GNA14: variants seen among roughly 807,000 people sequenced by gnomAD.
GNA14 encodes G protein subunit alpha 14.
GNA14 carries 50 observed loss-of-function variants against 42.0 expected under a neutral mutation model. The ratio of observed to expected loss-of-function variants is 1.19; its 90% CI spans 0.95 to 1.51. The LOEUF is 1.51. GNA14 is among the 40% of genes most tolerant of loss of function. The pLI is 0.00. For synonymous variants in GNA14, 173 were observed against 163.1 expected, an observed-to-expected ratio of 1.06 and a Z score of -0.46; for missense variants, 473 against 446.2, an observed-to-expected ratio of 1.06 and a Z score of -0.54.
chr9:77,432,059 T>G (rs1367837625), intron 3 of GNA14, among the ~76,000 whole-genome samples: 1 of 149,544 alleles, frequency 6.7e-6, no homozygotes, highest in African/African-American at 2.5e-5. Flanking sequence ...ATTGAAGCCC[T>G]GAGCTTAAAA....
At chr9:77,531,871 G>A (rs976381293) in intron 1 of GNA14, among the ~76,000 whole-genome samples, 19 of 151,262 alleles carry the variant, frequency 1.3e-4, no homozygotes, top group Non-Finnish European at 2.8e-4. Flanking sequence ...CGTTAGAAGT[G>A]ATTTTAAGGG....
chr9:77,631,876 G>C (rs1047954170), intron 1 of GNA14, among the ~76,000 whole-genome samples: 1 of 152,186 alleles, frequency 6.6e-6, no homozygotes, highest in African/African-American at 2.4e-5. Context: ...ATGTTCCATG[G>C]AGCTGGTAAG....
intron 2 of GNA14, among the ~76,000 whole-genome samples, chr9:77,443,039 G>T (rs915380159): frequency 6.6e-6 from 1 of 152,138 alleles, no homozygotes; most frequent in South Asian, 2.1e-4. Flanking sequence ...ATTAACATAG[G>T]ATCAAAATCT....
At chr9:77,598,554 A>C (rs1445646618) in intron 1 of GNA14, among the ~76,000 whole-genome samples, 1 of 152,206 alleles carries the variant, frequency 6.6e-6, no homozygotes, top group Admixed American at 6.5e-5. Flanking sequence ...CTGCTCATGA[A>C]CACATCAGAG....
At chr9:77,578,214 T>G (rs1167326779) in intron 1 of GNA14, among the ~76,000 whole-genome samples, 2 of 152,168 alleles carry the variant, frequency 1.3e-5, no homozygotes, top group Admixed American at 6.5e-5. Flanking sequence ...ATGCGGAGGT[T>G]GTAGTGAGCC....
intron 2 of GNA14, among the ~76,000 whole-genome samples, chr9:77,475,733 C>T (rs907225851): frequency 2.0e-5 from 3 of 152,126 alleles, no homozygotes; most frequent in Admixed American, 6.5e-5. Context: ...TTAAGGGGAC[C>T]GGACATGCAT....
intron 1 of GNA14, among the ~76,000 whole-genome samples, chr9:77,569,831 A>G (rs1343235419): frequency 6.6e-6 from 1 of 151,624 alleles, no homozygotes; most frequent in Non-Finnish European, 1.5e-5. Context: ...CTGTGGCACA[A>G]TCTTGGCTCA....
intron 2 of GNA14, among the ~76,000 whole-genome samples, chr9:77,489,691 T>C (rs1335729926): frequency 6.6e-6 from 1 of 152,046 alleles, no homozygotes; most frequent in Non-Finnish European, 1.5e-5. Flanking sequence ...GCTGCAGACC[T>C]TCGCGGTGAG....
chr9:77,507,218 G>A (rs1289380108), intron 2 of GNA14, among the ~76,000 whole-genome samples: 1 of 152,192 alleles, frequency 6.6e-6, no homozygotes, highest in East Asian at 1.9e-4. Flanking sequence ...TTCAGAGCAG[G>A]AAAATACTCA....
chr9:77,477,486 A>G (rs1836452745), intron 2 of GNA14, among the ~76,000 whole-genome samples: 1 of 152,160 alleles, frequency 6.6e-6, no homozygotes, highest in Non-Finnish European at 1.5e-5. Context: ...TCAAAAACAG[A>G]CCTGCTCAGG....
At chr9:77,546,899 C>A (rs1032524817) in intron 1 of GNA14, among the ~76,000 whole-genome samples, 5 of 152,250 alleles carry the variant, frequency 3.3e-5, no homozygotes, top group African/African-American at 1.2e-4. Context: ...CCCAGGGCAG[C>A]CTCGGTTTAT....
intron 2 of GNA14, among the ~76,000 whole-genome samples, chr9:77,435,087 G>A (rs1230278027): frequency 2.6e-5 from 4 of 151,096 alleles, no homozygotes; most frequent in Non-Finnish European, 2.9e-5. Flanking sequence ...GGCCAGCTGC[G>A]GTGGTTCATG....
At chr9:77,460,059 A>T (rs1390289994) in intron 2 of GNA14, among the ~76,000 whole-genome samples, 1 of 152,078 alleles carries the variant, frequency 6.6e-6, no homozygotes, top group Non-Finnish European at 1.5e-5. Context: ...CAAACCTCCC[A>T]TCAGAAAAAT....
At chr9:77,426,601 G>A (rs1835458155) in intron 5 of GNA14, among the ~76,000 whole-genome samples, 1 of 152,180 alleles carries the variant, frequency 6.6e-6, no homozygotes, top group African/African-American at 2.4e-5. Flanking sequence ...ACCGCGCCTG[G>A]CCTTGTTTAG....
chr9:77,595,202 A>T (rs1000341022), intron 1 of GNA14, among the ~76,000 whole-genome samples: 4 of 152,204 alleles, frequency 2.6e-5, no homozygotes, highest in African/African-American at 9.7e-5. Context: ...CCAGCAGTAC[A>T]GAGCTGATGC....
At chr9:77,485,074 G>C (rs538378335) in intron 2 of GNA14, among the ~76,000 whole-genome samples, 58 of 152,238 alleles carry the variant, frequency 3.8e-4, no homozygotes, top group African/African-American at 1.4e-3. Flanking sequence ...CGCATTGATT[G>C]ACTCTTCCTT....
intron 1 of GNA14, among the ~76,000 whole-genome samples, chr9:77,535,393 A>C (rs1013171058): frequency 6.6e-6 from 1 of 152,042 alleles, no homozygotes; most frequent in African/African-American, 2.4e-5. Flanking sequence ...AAATACAAAA[A>C]ATTAGCCGGG....
intron 1 of GNA14, among the ~76,000 whole-genome samples, chr9:77,589,617 G>A (rs749469029): frequency 4.6e-5 from 7 of 152,154 alleles, no homozygotes; most frequent in Non-Finnish European, 1.0e-4. Flanking sequence ...GAGAGTAGCT[G>A]GATATTGCCT....
chr9:77,442,375 A>G (rs1835748915), intron 2 of GNA14, among the ~76,000 whole-genome samples: 1 of 152,250 alleles, frequency 6.6e-6, no homozygotes, highest in Admixed American at 6.5e-5. Flanking sequence ...ATGTCTCAAA[A>G]AAAGAAAGAA....
Sources: gnomAD v4.1 joint callset for allele counts (sites outside exome capture counted in the v4.1 genomes callset) on GRCh38, gnomAD v4.1.1 for gene constraint, MANE v1.5 for transcripts, NCBI Gene and HGNC (gene_info 2026-07-23, HGNC 2026-07-21) for gene names.